SHISA9: variants seen among roughly 807,000 people sequenced by gnomAD.
The protein encoded by SHISA9 is shisa family member 9.
SHISA9 carries 13 observed loss-of-function variants against 38.0 expected under a neutral mutation model. The ratio of observed to expected loss-of-function variants is 0.34; its 90% CI spans 0.22 to 0.54. SHISA9 has a LOEUF of 0.54. Ranked by LOEUF, SHISA9 falls within the 20% of genes least tolerant of loss-of-function variation. The pLI, the probability that SHISA9 is intolerant of heterozygous loss-of-function variation, is 0.91. For missense variants in SHISA9, 538 were observed against 575.8 expected (o/e 0.93, Z 0.67); for synonymous variants, 275 against 242.0 (o/e 1.14, Z -1.27).
chr16:13,269,037 GGA>G, the SHISA9 span, among the ~76,000 whole-genome samples: 14 of 152,186 alleles, frequency 9.2e-5, no homozygotes, highest in African/African-American at 3.4e-4. Context: ...TGTAGTCAAG[GGA>G]GCTTGCCTGT....
At chr16:13,207,162 G>A (rs1421423671) in intron 3 of SHISA9, among the ~76,000 whole-genome samples, 4 of 152,194 alleles carry the variant, frequency 2.6e-5, no homozygotes, top group Non-Finnish European at 5.9e-5. Flanking sequence ...TACTTGGGAG[G>A]CTGAGGCATG....
the SHISA9 span, among the ~76,000 whole-genome samples, chr16:13,529,877 A>T: frequency 6.6e-6 from 1 of 152,184 alleles, no homozygotes; most frequent in Non-Finnish European, 1.5e-5. Flanking sequence ...AACCTGATTG[A>T]TCTGGAGGAA....
At chr16:13,285,275 A>C in the SHISA9 span, among the ~76,000 whole-genome samples, 5 of 152,074 alleles carry the variant, frequency 3.3e-5, no homozygotes, top group East Asian at 1.9e-4. Context: ...TGTACTTTGA[A>C]ATTCTTTTTC....
intron 2 of SHISA9, among the ~76,000 whole-genome samples, chr16:13,147,722 A>C (rs1225258896): frequency 6.6e-6 from 1 of 152,198 alleles, no homozygotes; most frequent in Non-Finnish European, 1.5e-5. Context: ...TTGGCCTCCC[A>C]AAGTGTGGGA....
At position 12,916,758 on chromosome 16, in the gene SHISA9, G is replaced by A. The variant is rs1472963921; in HGVS notation, c.634G>A (p.Val212Ile). 7 of 1,551,916 alleles carry A rather than the reference G, an allele frequency of 4.5e-6. No homozygotes were observed. The highest frequency in any genetic ancestry group is 2.7e-5 in the African/African-American group (2 of 73,024). Reference protein sequence around the residue: ...TDHMERDLNIVVHVQHYENMD... With the variant: ...TDHMERDLNIIVHVQHYENMD... ...TCACATGGAGAGAGACCTAAACATC[G>A]TTGTCCACGTCCAGCATTATGAGAA... The change falls in exon 2 of 5, where the codon GTT becomes ATT. Residue 212 changes from valine (V) to isoleucine (I), a missense_variant. Around this residue, in one of 4 missense-constraint regions of SHISA9, gnomAD observed 326 missense variants for 305.9 expected, o/e 1.07. Transcript: ENST00000558583.
chr16:13,281,259 T>A, the SHISA9 span, among the ~76,000 whole-genome samples: 1 of 151,816 alleles, frequency 6.6e-6, no homozygotes, highest in African/African-American at 2.4e-5. Context: ...TTAAAATTCT[T>A]TGTCATGAAA....
chr16:13,172,154 G>A (rs145311787), intron 2 of SHISA9, among the ~76,000 whole-genome samples: 1,558 of 151,998 alleles, frequency 0.01, 33 homozygotes, highest in African/African-American at 0.036. Flanking sequence ...ACTCAGGGCT[G>A]TTTTCTTTTT....
At chr16:13,008,473 C>A (rs900826095) in intron 2 of SHISA9, among the ~76,000 whole-genome samples, 1 of 152,118 alleles carries the variant, frequency 6.6e-6, no homozygotes, top group Non-Finnish European at 1.5e-5. Flanking sequence ...GTAATCCCCA[C>A]GTGTTGAGGG....
intron 2 of SHISA9, among the ~76,000 whole-genome samples, chr16:13,076,715 G>T (rs2073586903): frequency 6.6e-6 from 1 of 152,176 alleles, no homozygotes; most frequent in Non-Finnish European, 1.5e-5. Context: ...GCTTCATTAT[G>T]TGACATCGGC....
At chr16:13,466,977 A>G in the SHISA9 span, among the ~76,000 whole-genome samples, 528 of 152,342 alleles carry the variant, frequency 3.5e-3, 10 homozygotes, top group East Asian at 0.071. Context: ...GGATAGTTGT[A>G]TCATCTTAAG....
At chr16:13,148,598 T>C (rs2050469017) in intron 2 of SHISA9, among the ~76,000 whole-genome samples, 1 of 152,030 alleles carries the variant, frequency 6.6e-6, no homozygotes, top group Non-Finnish European at 1.5e-5. Flanking sequence ...TCTATACCTA[T>C]GTCTATATTC....
At chr16:13,501,401 A>C in the SHISA9 span, among the ~76,000 whole-genome samples, 23 of 152,264 alleles carry the variant, frequency 1.5e-4, no homozygotes, top group Admixed American at 3.9e-4. Context: ...CCATGAAAGG[A>C]GTATAAGAAA....
chr16:13,364,455 T>C, the SHISA9 span, among the ~76,000 whole-genome samples: 1 of 152,228 alleles, frequency 6.6e-6, no homozygotes, highest in Admixed American at 6.5e-5. Context: ...ATTTGGGTGG[T>C]TTATGTCTTT....
chr16:13,456,509 C>A, the SHISA9 span, among the ~76,000 whole-genome samples: 1 of 152,202 alleles, frequency 6.6e-6, no homozygotes, highest in Non-Finnish European at 1.5e-5. Context: ...AATGCCACTG[C>A]GTCATGAAGA....
chr16:13,325,763 G>A, the SHISA9 span, among the ~76,000 whole-genome samples: 137 of 152,118 alleles, frequency 9.0e-4, 2 homozygotes, highest in East Asian at 0.024. Context: ...CCATGGATGA[G>A]GCTAGAAACC....
intron 2 of SHISA9, 37 bp from the exon 3 acceptor site, chr16:13,203,357 T>G: frequency 2.7e-6 from 4 of 1,485,212 alleles, no homozygotes; most frequent in Non-Finnish European, 3.6e-6. Flanking sequence ...GGTTCTGCCC[T>G]GTCTGTGACA....
intron 2 of SHISA9, among the ~76,000 whole-genome samples, chr16:13,117,956 C>T (rs140651583): frequency 0.01 from 1,523 of 152,086 alleles, 37 homozygotes; most frequent in African/African-American, 0.035. Flanking sequence ...CTGAGGTGGG[C>T]GGATCGCCTG....
chr16:12,909,337 C>G (rs1415580553), intron 1 of SHISA9: 1 of 985,390 alleles, frequency 1.0e-6, no homozygotes, highest in Non-Finnish European at 1.2e-6. Flanking sequence ...ATGCCCATTG[C>G]CCTTGCATTT....
chr16:13,012,126 C>CTT (rs917232420), intron 2 of SHISA9, among the ~76,000 whole-genome samples: 1 of 149,902 alleles, frequency 6.7e-6, no homozygotes, highest in South Asian at 2.1e-4. Flanking sequence ...GTGCCCAGCC[C>CTT]TTTTTTTTTT....
Sources: allele counts gnomAD v4.1 joint callset (sites outside exome capture counted in the v4.1 genomes callset), GRCh38; gene constraint gnomAD v4.1.1; regional missense constraint gnomAD v4.1.1; transcripts MANE v1.5; gene names NCBI Gene and HGNC (gene_info 2026-07-23, HGNC 2026-07-21).